Variants in ROBO2 observed in about 807,000 individuals in gnomAD.
The protein encoded by ROBO2 is roundabout guidance receptor 2, also known as roundabout homolog 2.
ROBO2 carries 53 observed loss-of-function variants against 160.8 expected under a neutral mutation model. The observed-to-expected ratio is 0.33, with a 90% CI of 0.26 to 0.41. The LOEUF (loss-of-function observed/expected upper bound fraction) is 0.41. Ranked by LOEUF, ROBO2 falls within the 10% of genes least tolerant of loss-of-function variation. The probability of loss-of-function intolerance (pLI) is 1.00; values close to 1 mark genes in which losing one functional copy is unlikely to be tolerated. For missense variants in ROBO2, 1,577 were observed against 1,722.4 expected, an observed-to-expected ratio of 0.92 and a Z score of 1.49; for synonymous variants, 664 against 611.7, an observed-to-expected ratio of 1.09 and a Z score of -1.26.
At chr3:75,921,425 TAAAGA>T (rs1947045806) in intron 1 of ROBO2, among the ~76,000 whole-genome samples, 1 of 152,072 alleles carries the variant, frequency 6.6e-6, no homozygotes, top group African/African-American at 2.4e-5. Context: ...AGCAGCTAAC[TAAAGA>T]AAATAGAAAA....
intron 2 of ROBO2, among the ~76,000 whole-genome samples, chr3:76,482,099 C>A (rs2079241657): frequency 6.6e-6 from 1 of 152,076 alleles, no homozygotes; most frequent in South Asian, 2.1e-4. Context: ...CCAGAAAACC[C>A]CTGCCAAACC....
chr3:77,425,998 A>T (rs2078165095), intron 2 of ROBO2, among the ~76,000 whole-genome samples: 1 of 152,064 alleles, frequency 6.6e-6, no homozygotes, highest in Non-Finnish European at 1.5e-5. Context: ...AGAAACCATG[A>T]AAGAATTTAA....
At chr3:76,337,330 C>G (rs1056530626) in intron 2 of ROBO2, among the ~76,000 whole-genome samples, 3 of 152,112 alleles carry the variant, frequency 2.0e-5, no homozygotes, top group African/African-American at 7.2e-5. Flanking sequence ...AATACGTAAA[C>G]ACTATTGGTA....
chr3:77,196,982 AG>A (rs1432187148), intron 2 of ROBO2, among the ~76,000 whole-genome samples: 1 of 136,924 alleles, frequency 7.3e-6, no homozygotes, highest in Non-Finnish European at 1.6e-5. Flanking sequence ...ATAAAGAAGA[AG>A]GTAGAGAAAA....
At chr3:75,946,635 TAGGG>T (rs1405922106) in intron 2 of ROBO2, among the ~76,000 whole-genome samples, 1 of 151,916 alleles carries the variant, frequency 6.6e-6, no homozygotes, top group African/African-American at 2.4e-5. Flanking sequence ...TGAAGACAAA[TAGGG>T]AGGTACTTTG....
At chr3:76,964,682 A>G (rs936768410) in intron 2 of ROBO2, among the ~76,000 whole-genome samples, 14 of 152,198 alleles carry the variant, frequency 9.2e-5, no homozygotes, top group African/African-American at 2.7e-4. Flanking sequence ...AACAACTGAT[A>G]TAGGTCATTC....
intron 2 of ROBO2, among the ~76,000 whole-genome samples, chr3:76,934,515 G>T (rs2077561700): frequency 6.6e-6 from 1 of 152,110 alleles, no homozygotes; most frequent in Non-Finnish European, 1.5e-5. Context: ...GAACGAGAGG[G>T]CCGGATCACG....
intron 2 of ROBO2, among the ~76,000 whole-genome samples, chr3:76,928,032 G>A (rs952215492): frequency 6.6e-6 from 1 of 152,212 alleles, no homozygotes; most frequent in African/African-American, 2.4e-5. Flanking sequence ...CTCAGCGTCT[G>A]TGAGTAAGTC....
chr3:77,075,760 C>A (rs1478170967), intron 1 of ROBO2, among the ~76,000 whole-genome samples: 2 of 132,988 alleles, frequency 1.5e-5, no homozygotes, highest in Non-Finnish European at 1.5e-5. Flanking sequence ...CTCACTGTAA[C>A]CTCTGCCTCC....
chr3:76,942,508 TGG>T (rs2078257216), intron 2 of ROBO2, among the ~76,000 whole-genome samples: 1 of 152,214 alleles, frequency 6.6e-6, no homozygotes, highest in Non-Finnish European at 1.5e-5. Flanking sequence ...TGAAGAGTGT[TGG>T]CCTCACTTAT....
chr3:76,643,205 A>G (rs1010611285), intron 2 of ROBO2, among the ~76,000 whole-genome samples: 7 of 152,172 alleles, frequency 4.6e-5, no homozygotes, highest in Admixed American at 4.6e-4. Flanking sequence ...AAAAAAATGT[A>G]ATTGTTGTCT....
At chr3:77,487,036 A>G (rs2085451757) in intron 4 of ROBO2, among the ~76,000 whole-genome samples, 1 of 152,156 alleles carries the variant, frequency 6.6e-6, no homozygotes, top group African/African-American at 2.4e-5. Flanking sequence ...GAAGATGAGG[A>G]CAGAGATTGG....
chr3:76,843,073 T>C (rs956284324), intron 2 of ROBO2, among the ~76,000 whole-genome samples: 2 of 152,058 alleles, frequency 1.3e-5, no homozygotes, highest in African/African-American at 4.8e-5. Flanking sequence ...GAGGGAGTCT[T>C]TATCCCATTT....
At chr3:77,213,010 C>G (rs769045443) in intron 2 of ROBO2, among the ~76,000 whole-genome samples, 3 of 152,170 alleles carry the variant, frequency 2.0e-5, no homozygotes, top group Non-Finnish European at 4.4e-5. Flanking sequence ...CATCAATGTT[C>G]ATCAGGGATA....
intron 14 of ROBO2, 123 bp downstream of exon 15, chr3:77,574,853 C>T (rs1239291091): frequency 1.9e-5 from 14 of 735,848 alleles, no homozygotes; most frequent in South Asian, 1.7e-5. Context: ...GAGGAAGTGT[C>T]GTTTTCTCCT....
intron 2 of ROBO2, among the ~76,000 whole-genome samples, chr3:76,884,466 T>A (rs2073676996): frequency 6.6e-6 from 1 of 152,152 alleles, no homozygotes; most frequent in African/African-American, 2.4e-5. Context: ...AACACATTAC[T>A]GTTATGGCTG....
At position 77,175,704 on chromosome 3, in the gene ROBO2, A is replaced by G. The variant is rs541198803; in HGVS notation, c.388+77364A>G. ...CAGGATTGGCCAAGCTGGGATAGTC[A>G]TAGATCAAGGCAAGCAGGGAGAGAG... is the stretch of plus-strand genomic sequence containing the variant. On this transcript the variant is annotated intron_variant, in intron 2 of 25. Coordinates refer to ENST00000461745, the Ensembl canonical transcript of ROBO2. Among the ~76,000 whole-genome samples the G allele has an allele frequency of 3.9e-5, 6 of 152,142 alleles. No individual in the cohort carries two copies. The East Asian group carries it at 9.7e-4, about 25-fold the overall frequency.
intron 2 of ROBO2, among the ~76,000 whole-genome samples, chr3:77,237,933 C>T (rs1192899940): frequency 6.6e-6 from 1 of 152,162 alleles, no homozygotes; most frequent in Non-Finnish European, 1.5e-5. Flanking sequence ...TTTGCCCAGT[C>T]TAATAGATGT....
At chr3:77,538,996 C>T in intron 6 of ROBO2, 2 of 395,822 alleles carry the variant, frequency 5.1e-6, no homozygotes, top group Non-Finnish European at 1.0e-5. Flanking sequence ...CGGCTCACTG[C>T]AAGCTCCGCC....
Sources: allele counts gnomAD v4.1 joint callset (sites outside exome capture counted in the v4.1 genomes callset), GRCh38; gene constraint gnomAD v4.1.1; transcripts MANE v1.5; gene names NCBI Gene and HGNC (gene_info 2026-07-23, HGNC 2026-07-21).